The following DSCAML1 variants were observed in gnomAD, a reference collection of about 807,000 sequenced individuals.
DSCAML1 encodes the protein cell adhesion molecule DSCAML1.
In DSCAML1, 38 loss-of-function variants were observed where a neutral mutation model predicts 200.5. That is an observed-to-expected ratio of 0.19 (90% CI 0.15 to 0.25). The LOEUF is 0.25. Among genes scored for constraint, DSCAML1 ranks in the 10% least tolerant of loss-of-function variants. The pLI is 1.00. For missense variants in DSCAML1, 2,223 were observed against 2,858.8 expected (o/e 0.78, Z 5.07); for synonymous variants, 1,215 against 1,165.0 (o/e 1.04, Z -0.87).
At chr11:117,651,711 CAAAAAAAAAAAAAA>C (rs1193144259) in intron 3 of DSCAML1, among the ~76,000 whole-genome samples, 4 of 31,106 alleles carry the variant, frequency 1.3e-4, no homozygotes, top group East Asian at 1.1e-3. Context: ...GACTCTGTCT[CAAAAAAAAAAAAAA>C]AAAAAAAAAA....
chr11:117,802,750 C>T (rs1375767798), intron 1 of DSCAML1, among the ~76,000 whole-genome samples: 4 of 152,136 alleles, frequency 2.6e-5, no homozygotes, highest in Non-Finnish European at 5.9e-5. Context: ...TTGTAGGCAG[C>T]GCCTCTAGGT....
rs190172769 is a variant in DSCAML1, at chr11:117,521,280, C to A, written c.1063G>T (p.Val355Leu). The A allele has an allele frequency of 2.5e-4, 399 of 1,614,214 alleles. No homozygotes were observed. In the East Asian group the frequency reaches 6.6e-3, roughly 27 times the overall value. Residue 355 changes from valine (V) to leucine (L), a missense_variant, in exon 6 of 33, where the codon GTG becomes TTG. This residue lies in a region of DSCAML1 where 579 missense variants were observed against 721.5 expected (regional missense o/e 0.80). Transcript: ENST00000651296. ...TIRWYRNTEL[V>L]LPDEAISIRG... ...ATGGAGATGGCCTCGTCAGGCAGCACCAGCTCCGTGTTGCGATACCAGCGG... is the reference window on the plus strand; with the variant it reads ...ATGGAGATGGCCTCGTCAGGCAGCAACAGCTCCGTGTTGCGATACCAGCGG...
intron 3 of DSCAML1, among the ~76,000 whole-genome samples, chr11:117,537,329 A>T (rs942786641): frequency 6.6e-6 from 1 of 152,218 alleles, no homozygotes; most frequent in Non-Finnish European, 1.5e-5. Flanking sequence ...GGGATCCCAC[A>T]GTTAGGAGAC....
intron 24 of DSCAML1, 64 bp downstream of exon 24, chr11:117,438,821 C>T (rs2064616349): frequency 7.3e-7 from 1 of 1,372,060 alleles, no homozygotes; most frequent in African/African-American, 1.5e-5. Flanking sequence ...GGGTGAAGCC[C>T]CTTCCCTGCC....
chr11:117,511,467 A>G (rs533382847), intron 8 of DSCAML1, among the ~76,000 whole-genome samples: 2 of 152,292 alleles, frequency 1.3e-5, no homozygotes, highest in East Asian at 1.9e-4. Context: ...TTTGTGCTAC[A>G]TTATTTTTCA....
At chr11:117,531,561 C>T (rs2050076617) in intron 4 of DSCAML1, among the ~76,000 whole-genome samples, 1 of 152,106 alleles carries the variant, frequency 6.6e-6, no homozygotes, top group African/African-American at 2.4e-5. Context: ...TGGCCTATGA[C>T]AAAAGATACA....
intron 3 of DSCAML1, among the ~76,000 whole-genome samples, chr11:117,754,046 A>G (rs1490636770): frequency 6.6e-6 from 1 of 152,162 alleles, no homozygotes; most frequent in Admixed American, 6.5e-5. Context: ...AGGCAGCAAG[A>G]AAAGATCCTG....
Position 117,513,449 on chromosome 11 carries a change from G to A in DSCAML1, c.1783+3018C>T, listed in dbSNP as rs188968743. ...TAAGTTCTCAAAGTAGACTTTGACA[G>A]TCCACTTTCATCCGGGAGCGGTGGC... On this transcript the variant is annotated intron_variant, in intron 8 of 32. Transcript: ENST00000651296. Among the ~76,000 whole-genome samples the A allele has an allele frequency of 4.6e-5, 7 of 152,178 alleles. 1 individual carries two copies. The highest frequency in any genetic ancestry group is 1.7e-4 in the African/African-American group (7 of 41,542).
intron 20 of DSCAML1, among the ~76,000 whole-genome samples, chr11:117,449,877 C>A (rs1048703156): frequency 2.6e-5 from 4 of 152,156 alleles, no homozygotes; most frequent in Non-Finnish European, 4.4e-5. Flanking sequence ...AGGTGCATAT[C>A]CCACTGCACC....
intron 2 of DSCAML1, 22 bp from the exon 3 acceptor site, chr11:117,776,959 GGAAGA>G (rs760084243): frequency 6.2e-7 from 1 of 1,612,662 alleles, no homozygotes; most frequent in African/African-American, 1.3e-5. Context: ...TTGGCAGTGG[GGAAGA>G]GAAGAGTGTC....
chr11:117,707,511 C>T (rs1280747911), intron 3 of DSCAML1, among the ~76,000 whole-genome samples: 6 of 152,008 alleles, frequency 3.9e-5, no homozygotes, highest in Non-Finnish European at 5.9e-5. Flanking sequence ...CCCTGCTTAA[C>T]CCAAGGAAGT....
At chr11:117,600,516 C>A (rs2137506800) in intron 3 of DSCAML1, among the ~76,000 whole-genome samples, 1 of 152,308 alleles carries the variant, frequency 6.6e-6, no homozygotes, top group African/African-American at 2.4e-5. Flanking sequence ...GGCTCCAGGT[C>A]CCAGGGGCCA....
chr11:117,670,186 A>G (rs1028774756), intron 3 of DSCAML1, among the ~76,000 whole-genome samples: 20 of 152,120 alleles, frequency 1.3e-4, no homozygotes, highest in Non-Finnish European at 2.5e-4. Context: ...ACAAACAAAT[A>G]TATGCATAGG....
At chr11:117,663,611 C>T (rs902445932) in intron 3 of DSCAML1, among the ~76,000 whole-genome samples, 5 of 151,826 alleles carry the variant, frequency 3.3e-5, no homozygotes, top group South Asian at 2.1e-4. Flanking sequence ...GTGCCCACAT[C>T]GCCGCCAAGT....
At position 117,480,637 on chromosome 11, in the gene DSCAML1, C is replaced by A; in HGVS notation, c.2657-66G>T. The A allele has an allele frequency of 1.3e-6, 2 of 1,537,102 alleles. No homozygotes were observed. The highest frequency in any genetic ancestry group is 4.9e-5 in the East Asian group (2 of 40,662). ...GCAGGGAGCTTGGCCTCCTGCTTGG[C>A]CCTGAGGATTGGCATCACCTGGGTC... On this transcript the variant is annotated intron_variant, in intron 13 of 32. Transcript: ENST00000651296. This position sits in a 1 kb window ranked among gnomAD's most constrained non-coding sequence, Gnocchi z 4.1.
intron 3 of DSCAML1, among the ~76,000 whole-genome samples, chr11:117,623,356 A>G (rs765712629): frequency 1.3e-5 from 2 of 151,628 alleles, no homozygotes; most frequent in Non-Finnish European, 2.9e-5. Flanking sequence ...AGCTGGGATT[A>G]CAGGAGTGCG....
At position 117,797,147 on chromosome 11, in the gene DSCAML1, C is replaced by T. The variant is rs767847964; in HGVS notation, c.-68G>A. On this transcript the variant is annotated 5_prime_UTR_variant, in exon 1 of 33. Transcript: ENST00000651296. ...CGGCCGTGCGGCAGCGCCTCTCCCC[C>T]GCTCAGCGCGCTCCCAGCCGCCCGC... The T allele has an allele frequency of 3.7e-5, 59 of 1,589,018 alleles. No homozygotes were observed. The East Asian group carries it at 7.1e-4, about 19-fold the overall frequency.
chr11:117,808,137 G>T (rs1468324214), intron 1 of DSCAML1, among the ~76,000 whole-genome samples: 1 of 152,210 alleles, frequency 6.6e-6, no homozygotes, highest in African/African-American at 2.4e-5. Context: ...TTCAAAGTAT[G>T]CTCACATGAA....
At chr11:117,534,829 C>A (rs2137350049) in intron 3 of DSCAML1, among the ~76,000 whole-genome samples, 1 of 152,344 alleles carries the variant, frequency 6.6e-6, no homozygotes, top group South Asian at 2.1e-4. Flanking sequence ...CCAGGCTGGT[C>A]TCAAACTCCT....
Sources: gnomAD v4.1 joint callset for allele counts (sites outside exome capture counted in the v4.1 genomes callset) on GRCh38, gnomAD v4.1.1 for gene constraint, gnomAD v4.1.1 regional missense constraint, Gnocchi (gnomAD v3.1) non-coding constraint, MANE v1.5 for transcripts, NCBI Gene and HGNC (gene_info 2026-07-23, HGNC 2026-07-21) for gene names.